Variants in LUZP2 observed in about 807,000 individuals in gnomAD.
LUZP2 encodes the protein leucine zipper protein 2.
LUZP2 carries 52 observed loss-of-function variants against 51.6 expected under a neutral mutation model. The ratio of observed to expected loss-of-function variants is 1.01; its 90% confidence interval spans 0.81 to 1.27. LUZP2 has a LOEUF of 1.27. Ranked by LOEUF, LUZP2 falls within the 50% of genes most tolerant of loss-of-function variation. The pLI is 0.00. For missense variants in LUZP2, 436 were observed against 395.4 expected (o/e 1.10, Z -0.87); for synonymous variants, 154 against 137.3 (o/e 1.12, Z -0.85).
At chr11:24,782,477 C>T (rs1321091772) in intron 5 of LUZP2, among the ~76,000 whole-genome samples, 1 of 151,926 alleles carries the variant, frequency 6.6e-6, no homozygotes, top group Non-Finnish European at 1.5e-5. Context: ...CATGGTATAA[C>T]AGAGATTTAA....
At chr11:24,754,529 G>A (rs1049418215) in intron 4 of LUZP2, among the ~76,000 whole-genome samples, 1 of 152,072 alleles carries the variant, frequency 6.6e-6, no homozygotes, top group African/African-American at 2.4e-5. Context: ...ATGAAAATGG[G>A]GCTCCCCTAA....
At chr11:24,965,533 G>A (rs1378616545) in intron 7 of LUZP2, among the ~76,000 whole-genome samples, 1 of 151,656 alleles carries the variant, frequency 6.6e-6, no homozygotes, top group Non-Finnish European at 1.5e-5. Context: ...TTCTCTGGGT[G>A]AAATATAAAA....
intron 1 of LUZP2, among the ~76,000 whole-genome samples, chr11:24,573,685 A>G (rs1852513718): frequency 1.3e-5 from 2 of 151,942 alleles, no homozygotes; most frequent in Admixed American, 6.6e-5. Context: ...ATTCAGCATA[A>G]AATAAAAGAC....
At chr11:25,055,218 C>T (rs1590881972) in intron 10 of LUZP2, among the ~76,000 whole-genome samples, 1 of 151,766 alleles carries the variant, frequency 6.6e-6, no homozygotes, top group African/African-American at 2.4e-5. Flanking sequence ...ACCATGCTGG[C>T]CAGGATGGTC....
chr11:24,859,297 T>A (rs374007922), intron 5 of LUZP2, among the ~76,000 whole-genome samples: 4 of 152,306 alleles, frequency 2.6e-5, no homozygotes, highest in East Asian at 3.9e-4. Flanking sequence ...TCCCGACTTA[T>A]TGTAGTAGCT....
intron 1 of LUZP2, among the ~76,000 whole-genome samples, chr11:24,541,443 A>T (rs770629558): frequency 1.4e-4 from 21 of 152,032 alleles, no homozygotes; most frequent in Non-Finnish European, 2.9e-4. Flanking sequence ...CCTATATTCT[A>T]TTTATAAACT....
chr11:24,638,557 G>A (rs539476418), intron 1 of LUZP2, among the ~76,000 whole-genome samples: 4 of 151,692 alleles, frequency 2.6e-5, no homozygotes, highest in East Asian at 1.9e-4. Context: ...TTTACTACAT[G>A]GCTAAAGCAG....
At chr11:24,945,219 T>C (rs1464350873) in intron 7 of LUZP2, among the ~76,000 whole-genome samples, 1 of 152,152 alleles carries the variant, frequency 6.6e-6, no homozygotes, top group Non-Finnish European at 1.5e-5. Context: ...GTTTTCATAA[T>C]GGCAAAACCT....
chr11:24,970,436 G>T (rs1035185768), intron 7 of LUZP2, among the ~76,000 whole-genome samples: 2 of 152,080 alleles, frequency 1.3e-5, no homozygotes, highest in African/African-American at 4.8e-5. Flanking sequence ...ATTTATCAGA[G>T]AAATTAAAAT....
chr11:25,075,338 G>A (rs1859269002), intron 10 of LUZP2, among the ~76,000 whole-genome samples: 1 of 152,154 alleles, frequency 6.6e-6, no homozygotes, highest in Non-Finnish European at 1.5e-5. Context: ...GGCTTATTTA[G>A]AAGAACCAAT....
chr11:24,859,751 A>G (rs899904216), intron 5 of LUZP2, among the ~76,000 whole-genome samples: 9 of 152,180 alleles, frequency 5.9e-5, no homozygotes, highest in African/African-American at 1.9e-4. Flanking sequence ...GGACGGGGGA[A>G]CCCCTTTCCC....
chr11:24,796,665 A>G (rs913148208), intron 5 of LUZP2, among the ~76,000 whole-genome samples: 1 of 152,090 alleles, frequency 6.6e-6, no homozygotes, highest in African/African-American at 2.4e-5. Context: ...GTCAGATTCA[A>G]TATTCTTGTG....
chr11:25,058,266 T>A (rs747860770), intron 10 of LUZP2, among the ~76,000 whole-genome samples: 2 of 152,216 alleles, frequency 1.3e-5, no homozygotes, highest in Non-Finnish European at 2.9e-5. Flanking sequence ...TAAATCTCCA[T>A]GTTTACTTTT....
At chr11:24,847,652 A>AG (rs1564983459) in intron 5 of LUZP2, among the ~76,000 whole-genome samples, 4 of 152,096 alleles carry the variant, frequency 2.6e-5, no homozygotes, top group Non-Finnish European at 4.4e-5. Flanking sequence ...TACGGGGTGG[A>AG]GGGGGGAAAC....
intron 10 of LUZP2, among the ~76,000 whole-genome samples, chr11:25,064,226 AT>A (rs1858931550): frequency 2.0e-5 from 3 of 152,014 alleles, no homozygotes; most frequent in African/African-American, 4.8e-5. Flanking sequence ...TACAATTATT[AT>A]TTTCTGATAA....
At chr11:24,841,873 T>C (rs1281474586) in intron 5 of LUZP2, among the ~76,000 whole-genome samples, 1 of 152,034 alleles carries the variant, frequency 6.6e-6, no homozygotes, top group Non-Finnish European at 1.5e-5. Context: ...CTCTGCAGTG[T>C]CTCTGGATTA....
At chr11:25,035,723 C>G (rs1857835798) in intron 9 of LUZP2, among the ~76,000 whole-genome samples, 1 of 151,898 alleles carries the variant, frequency 6.6e-6, no homozygotes, top group African/African-American at 2.4e-5. Context: ...ATCTTCATGT[C>G]AAGAATACTA....
intron 7 of LUZP2, among the ~76,000 whole-genome samples, chr11:24,964,334 A>C (rs1692072339): frequency 6.6e-6 from 1 of 152,334 alleles, no homozygotes; most frequent in South Asian, 2.1e-4. Context: ...AAATGAGAAT[A>C]AAAGTCAAGT....
At chr11:24,584,569 T>C (rs1229908286) in intron 1 of LUZP2, among the ~76,000 whole-genome samples, 1 of 152,176 alleles carries the variant, frequency 6.6e-6, no homozygotes. Flanking sequence ...TGTTGCAGTA[T>C]TGGGTTTTTC....
Sources: gnomAD v4.1 joint callset for allele counts (sites outside exome capture counted in the v4.1 genomes callset) on GRCh38, gnomAD v4.1.1 for gene constraint, MANE v1.5 for transcripts, NCBI Gene and HGNC (gene_info 2026-07-23, HGNC 2026-07-21) for gene names.